Variants in SMYD4 observed in about 807,000 individuals in gnomAD.
The protein encoded by SMYD4 is protein-lysine N-methyltransferase SMYD4.
In SMYD4, 68 loss-of-function variants were observed where a neutral mutation model predicts 72.8. That is an observed-to-expected ratio of 0.93 (90% CI 0.77 to 1.14). The LOEUF (loss-of-function observed/expected upper bound fraction) is 1.14. SMYD4 is among the 50% of genes most tolerant of loss of function. SMYD4 has a pLI of 0.00. For synonymous variants in SMYD4, 407 were observed against 388.6 expected (o/e 1.05, Z -0.56); for missense variants, 984 against 1,003.7 (o/e 0.98, Z 0.27).
chr17:1,781,663 C>A, intron 10 of SMYD4: 3 of 306,896 alleles, frequency 9.8e-6, no homozygotes, highest in East Asian at 5.7e-5. Flanking sequence ...GAACACGAGG[C>A]AAATCTCAAA....
intron 5 of SMYD4, among the ~76,000 whole-genome samples, chr17:1,796,349 T>C (rs899724969): frequency 2.3e-5 from 3 of 132,134 alleles, no homozygotes; most frequent in Non-Finnish European, 3.1e-5. Context: ...TTGCCCAGGA[T>C]GGTCTCAAAT....
chr17:1,817,677 G>T (rs1401269725), intron 2 of SMYD4, among the ~76,000 whole-genome samples: 1 of 151,854 alleles, frequency 6.6e-6, no homozygotes, highest in Non-Finnish European at 1.5e-5. Flanking sequence ...TATTTTTTTT[G>T]TTGTTGCCTG....
intron 5 of SMYD4, among the ~76,000 whole-genome samples, chr17:1,791,841 C>T (rs1188268582): frequency 6.6e-6 from 1 of 151,974 alleles, no homozygotes; most frequent in African/African-American, 2.4e-5. Context: ...GAGCTACGAT[C>T]GCCCCACTGC....
intron 2 of SMYD4, among the ~76,000 whole-genome samples, chr17:1,814,380 C>T (rs1207884131): frequency 6.6e-6 from 1 of 152,104 alleles, no homozygotes; most frequent in Non-Finnish European, 1.5e-5. Context: ...TTACAAAGAC[C>T]CACAATAAGG....
rs769648076 is a variant in SMYD4 at position 1,787,507 on chromosome 17, G to A, written c.1635C>T (p.Asn545=). The A allele has an allele frequency of 3.8e-6, 6 of 1,585,008 alleles. No individual in the cohort carries two copies. The South Asian group carries it at 4.6e-5, about 12-fold the overall frequency. Residue 545 remains asparagine (N), a synonymous_variant, in exon 6 of 11, where the codon AAC becomes AAT. Transcript: ENST00000305513. ...ISLLNHSCSP[N]TSVSFISTVA... ...CAGTGCTAATGAAGGACACGCTGGT[G>A]TTGGGGCTACAGGAGTGGTTCAGGA...
At chr17:1,829,248 C>G (rs1276010972) in intron 1 of SMYD4, 1 of 152,484 alleles carries the variant, frequency 6.6e-6, no homozygotes, top group African/African-American at 2.4e-5. Flanking sequence ...TGCATGCACC[C>G]TTGCATACTG....
chr17:1,820,886 G>A (rs574015463), intron 2 of SMYD4, among the ~76,000 whole-genome samples: 49 of 152,298 alleles, frequency 3.2e-4, no homozygotes, highest in African/African-American at 1.1e-3. Flanking sequence ...TACCTAACAG[G>A]CATGCATGTG....
At chr17:1,805,786 T>C (rs1336054015) in intron 3 of SMYD4, among the ~76,000 whole-genome samples, 1 of 151,714 alleles carries the variant, frequency 6.6e-6, no homozygotes, top group African/African-American at 2.4e-5. Flanking sequence ...CACTCCAGTC[T>C]GGGCAGCAGA....
chr17:1,817,217 T>C (rs1449245225), intron 2 of SMYD4, among the ~76,000 whole-genome samples: 1 of 152,140 alleles, frequency 6.6e-6, no homozygotes, highest in East Asian at 1.9e-4. Flanking sequence ...TTTGTATTTT[T>C]AGTAGAGACA....
chr17:1,783,333 C>T (rs371078420), intron 9 of SMYD4, 27 bp downstream of exon 9: 57 of 1,611,410 alleles, frequency 3.5e-5, no homozygotes, highest in South Asian at 6.6e-5. Flanking sequence ...CTGTTCCCGA[C>T]GCAGAACGTG....
chr17:1,794,055 G>GTGTGTATATATATA (rs1555575704), intron 5 of SMYD4, among the ~76,000 whole-genome samples: 4 of 70,126 alleles, frequency 5.7e-5, no homozygotes, highest in Admixed American at 1.5e-4. Flanking sequence ...ATATATATGT[G>GTGTGTATATATATA]TGTATATATA....
chr17:1,806,255 T>C (rs2151240308), intron 3 of SMYD4, among the ~76,000 whole-genome samples: 1 of 152,272 alleles, frequency 6.6e-6, no homozygotes, highest in East Asian at 1.9e-4. Context: ...AGAAAGCATG[T>C]AAAGTATTGC....
intron 1 of SMYD4, among the ~76,000 whole-genome samples, chr17:1,828,221 C>T (rs1911304602): frequency 6.6e-6 from 1 of 151,960 alleles, no homozygotes; most frequent in African/African-American, 2.4e-5. Flanking sequence ...TGTGGTGGCG[C>T]ACACTTGTAG....
intron 3 of SMYD4, among the ~76,000 whole-genome samples, chr17:1,811,766 A>C (rs556939204): frequency 1.3e-5 from 2 of 152,242 alleles, no homozygotes; most frequent in East Asian, 3.9e-4. Flanking sequence ...ATCTCTACTA[A>C]AAATACAAAA....
chr17:1,787,977 A>G (rs1908796993), intron 5 of SMYD4, among the ~76,000 whole-genome samples: 1 of 152,208 alleles, frequency 6.6e-6, no homozygotes, highest in Non-Finnish European at 1.5e-5. Context: ...GTGACTTCCC[A>G]AAGACTTTTA....
Position 1,793,091 on chromosome 17 carries a change from T to G in SMYD4, c.1538-5487A>C, listed in dbSNP as rs970109505. 6.6e-5 allele frequency among the ~76,000 whole-genome samples: 10 copies of G among 152,150 alleles called. No homozygotes were observed. In the South Asian group the frequency reaches 2.1e-3, roughly 32 times the overall value. The stretch of plus-strand genomic sequence containing the variant: ...CACCACCACACTCAGCTAATTTTTG[T>G]ATTTTTGTAGACACAGAGTTTAGCC... On this transcript the variant is annotated intron_variant, in intron 5 of 10. Coordinates refer to ENST00000305513, the MANE Select transcript of SMYD4 (RefSeq NM_052928.3).
rs114655234 is a variant in SMYD4, at chr17:1,822,660, T to G, written c.134+5201A>C. Among the ~76,000 whole-genome samples the G allele has an allele frequency of 3.1e-3, 475 of 152,220 alleles. 2 individuals are homozygous for G. Among genetic ancestry groups the G allele is most frequent in the African/African-American group, 0.011 (453 of 41,548 alleles). On this transcript the variant is annotated intron_variant, in intron 2 of 10. Coordinates refer to ENST00000305513, the MANE Select transcript of SMYD4 (RefSeq NM_052928.3). Reference sequence around the variant, plus strand: ...ATTTTTAGTAGAGACAGGGTTTCATTCACCACGTTGCCCAGGCTGGTCTTG... The same window carrying G: ...ATTTTTAGTAGAGACAGGGTTTCATGCACCACGTTGCCCAGGCTGGTCTTG...
At chr17:1,794,391 T>A (rs1163732738) in intron 5 of SMYD4, among the ~76,000 whole-genome samples, 2 of 151,228 alleles carry the variant, frequency 1.3e-5, no homozygotes, top group Non-Finnish European at 2.9e-5. Context: ...AGTGCTGGGA[T>A]TACAGGCCTG....
intron 1 of SMYD4, among the ~76,000 whole-genome samples, chr17:1,828,329 T>C (rs8068298): frequency 0.65 from 96,317 of 147,254 alleles, 33,041 homozygotes; most frequent in Non-Finnish European, 0.79. Flanking sequence ...CCAGCCTGGG[T>C]GACAGAGCAA....
Sources: allele counts gnomAD v4.1 joint callset (sites outside exome capture counted in the v4.1 genomes callset), GRCh38; gene constraint gnomAD v4.1.1; transcripts MANE v1.5; gene names NCBI Gene and HGNC (gene_info 2026-07-23, HGNC 2026-07-21).